The following FBXW5 variants were observed in gnomAD, a reference collection of about 807,000 sequenced individuals.
FBXW5 encodes the protein F-box/WD repeat-containing protein 5.
FBXW5 carries 74 observed loss-of-function variants against 50.9 expected under a neutral mutation model. The ratio of observed to expected loss-of-function variants is 1.45; its 90% confidence interval spans 1.20 to 1.76. The LOEUF is 1.76. Ranked by LOEUF, FBXW5 falls within the 40% of genes most tolerant of loss-of-function variation. The pLI is 0.00. For missense variants in FBXW5, 1,073 were observed against 818.8 expected (o/e 1.31, Z -3.79); for synonymous variants, 523 against 362.2 (o/e 1.44, Z -5.04).
In FBXW5 at chr9:136,943,599, G is replaced by A. The variant is rs558202047; in HGVS notation, c.194-93C>T. On this transcript the variant is annotated intron_variant, in intron 2 of 8. Coordinates refer to ENST00000325285, the MANE Select transcript of FBXW5 (RefSeq NM_018998.4). ...GGCCCCAGCAGTCCTGGCAGGCCCCGTGGTGCCCCTGGAACCCACTAGTCA... is the reference window on the plus strand; with the variant it reads ...GGCCCCAGCAGTCCTGGCAGGCCCCATGGTGCCCCTGGAACCCACTAGTCA... The A allele has an allele frequency of 5.9e-4, 873 of 1,479,062 alleles. 7 individuals are homozygous for A. In the South Asian group the frequency reaches 0.01, roughly 18 times the overall value. The allele number at this position is 1,479,062 out of a possible 1,614,324, so 91.6% of individuals were successfully genotyped here.
At position 136,943,257 on chromosome 9, in the gene FBXW5, C is replaced by CG. The variant is rs954923437; in HGVS notation, c.351+91_351+92insC. The CG allele has an allele frequency of 8.2e-6, 10 of 1,225,704 alleles. No individual in the cohort carries two copies. The African/African-American group carries it at 1.5e-4, about 18-fold the overall frequency. 75.9% of individuals were successfully genotyped at this position (1,225,704 alleles called of 1,614,324 possible). A position where few individuals can be genotyped will look rare whatever the true frequency, so the allele number is the denominator to read the frequency against. On this transcript the variant is annotated intron_variant, in intron 3 of 8. Transcript: ENST00000325285. The stretch of plus-strand genomic sequence containing the variant: ...ACCTCTGGCCTGACCCACCCCCCCC[C>CG]CCACCACCACCTGGTTGGAACGCCT...
At chr9:136,944,309 C>T in intron 1 of FBXW5, 4 of 600,126 alleles carry the variant, frequency 6.7e-6, no homozygotes, top group African/African-American at 1.9e-5. Flanking sequence ...CGTCATCCCC[C>T]GGCCTCCTGC....
At position 136,943,068 on chromosome 9, in the gene FBXW5, C is replaced by T. The variant is rs539507141; in HGVS notation, c.352-125G>A. 1,441 of 1,431,058 alleles carry T rather than the reference C, an allele frequency of 1.0e-3. 7 individuals are homozygous for T. The highest frequency in any genetic ancestry group is 5.5e-3 in the Middle Eastern group (23 of 4,182). 88.6% of individuals were successfully genotyped at this position (1,431,058 alleles called of 1,614,324 possible). On this transcript the variant is annotated intron_variant, in intron 3 of 8. Transcript: ENST00000325285. ...AGAGGCCACCAGGGAGCAGGGACCC[C>T]TTCCAGCCACTGTCATCCACTCGGG...
chr9:136,940,924 C>A lies in FBXW5; in HGVS notation c.*4G>T, dbSNP rs771894700. The A allele has an allele frequency of 6.3e-7, 1 of 1,577,456 alleles. No homozygotes were observed. The highest frequency in any genetic ancestry group is 1.1e-5 in the South Asian group (1 of 87,314). On this transcript the variant is annotated 3_prime_UTR_variant, in exon 9 of 9. Transcript: ENST00000325285. ...CCCGGTGGCTCCAGTGCACCCAGCACACCTCAGCGCCTCTGGCTGGCAAGC... is the reference window on the plus strand; with the variant it reads ...CCCGGTGGCTCCAGTGCACCCAGCAAACCTCAGCGCCTCTGGCTGGCAAGC...
chr9:136,943,891 C>G lies in FBXW5; in HGVS notation c.193G>C (p.Ala65Pro), dbSNP rs1381365687. 1.3e-5 allele frequency: 20 copies of G among 1,549,628 alleles called. No individual in the cohort carries two copies. The highest frequency in any genetic ancestry group is 8.7e-7 in the Non-Finnish European group (1 of 1,146,722). Residue 65 changes from alanine to proline, a missense_variant and splice_region_variant, in exon 2 of 9, where the codon GCG becomes CCG. Ala to Pro is a conservative substitution (Grantham distance 27, BLOSUM62 -1). Coordinates refer to ENST00000325285, the MANE Select transcript of FBXW5 (RefSeq NM_018998.4). The part of the protein sequence containing the change: ...QVARDVPRHP[A>P]AMSWYEEFQR... ...GGTAGGGGCCCCACACGCCACTGAC[C>G]TGGGTGTCGGGGCACGTCGCGGGCC...
rs766936483 is a variant in FBXW5, at chr9:136,942,401, G to A, written c.741C>T (p.Ser247=). The part of the protein sequence containing the change: ...RLFKIQNLNA[S]TVRTVMVADC... ...CGGCCACCATCACCGTGCGGACGGT[G>A]CTGGCATTGAGGTTCTGGATCTTGA... Residue 247 remains serine (S), a synonymous_variant, in exon 6 of 9, where the codon AGC becomes AGT. Transcript: ENST00000325285. 17 of 1,609,900 alleles carry A rather than the reference G, an allele frequency of 1.1e-5. No homozygotes were observed. The highest frequency in any genetic ancestry group is 4.4e-5 in the South Asian group (4 of 91,000).
In FBXW5 at chr9:136,941,177, G is replaced by C. The variant is rs1175592154; in HGVS notation, c.1458-6C>G. 6.2e-7 allele frequency: 1 copy of C among 1,601,868 alleles called. No individual in the cohort carries two copies. Among genetic ancestry groups the C allele is most frequent in the South Asian group, 1.1e-5 (1 of 90,250 alleles). ...CGTGCCGGTCCTCCGCCCCGCTGCA[G>C]AACAGCGCCTGGGTGAGCCGGCCGC... is the stretch of plus-strand genomic sequence containing the variant. On this transcript the variant is annotated splice_polypyrimidine_tract_variant and splice_region_variant and intron_variant, in intron 8 of 8. Transcript: ENST00000325285.
At chr9:136,943,576 C>A (rs1850894378) in intron 2 of FBXW5, 70 bp from the exon 3 acceptor site, 1 of 1,530,358 alleles carries the variant, frequency 6.5e-7, no homozygotes, top group Non-Finnish European at 8.8e-7. Flanking sequence ...CCGAGTGTGG[C>A]CCCAGCAGTC....
chr9:136,944,024 G>A lies in FBXW5; in HGVS notation c.60C>T (p.Ser20=). The change falls in exon 2 of 9, where the codon AGC becomes AGT. Residue 20 remains serine, a synonymous_variant. Transcript: ENST00000325285. ...CGGCCAGCACGTCGGCCGGGCCCAGGCTCAGGAAGATCTGGTAGACCAGGC... is the reference window on the plus strand; with the variant it reads ...CGGCCAGCACGTCGGCCGGGCCCAGACTCAGGAAGATCTGGTAGACCAGGC... The part of the protein sequence containing the change: ...PDSLVYQIFL[S]LGPADVLAAG... The A allele has an allele frequency of 6.2e-7, 1 of 1,603,242 alleles. No homozygotes were observed. The highest frequency in any genetic ancestry group is 8.5e-7 in the Non-Finnish European group (1 of 1,175,792).
At chr9:136,942,745 G>A (rs1281438846) in intron 4 of FBXW5, 24 bp downstream of exon 4, 7 of 1,612,038 alleles carry the variant, frequency 4.3e-6, no homozygotes, top group Non-Finnish European at 5.9e-6. Context: ...GCGGGGGCAG[G>A]GTCAACCCGC....
chr9:136,943,965 GAC>G lies in FBXW5; in HGVS notation c.117_118del (p.Ser40AlafsTer38). The G allele has an allele frequency of 6.4e-7, 1 of 1,567,816 alleles. No individual in the cohort carries two copies. The highest frequency in any genetic ancestry group is 8.6e-7 in the Non-Finnish European group (1 of 1,157,746). Reference sequence around the variant, plus strand: ...CTCCCTCCACAGGAACTCGTCCCGCGACACGGCCTGCCATTGGCGGCACACCA... The same window carrying G: ...CTCCCTCCACAGGAACTCGTCCCGCGACGGCCTGCCATTGGCGGCACACCA... On this transcript the variant is annotated frameshift_variant, in exon 2 of 9. Transcript: ENST00000325285. LOFTEE classifies it high-confidence loss of function.
At chr9:136,943,109 G>A (rs1490037994) in intron 3 of FBXW5, 166 bp from the exon 4 acceptor site, 3 of 1,180,318 alleles carry the variant, frequency 2.5e-6, no homozygotes, top group Admixed American at 2.0e-5. Flanking sequence ...TTGGTATAGA[G>A]CGGAGGAGCC....
At position 136,942,390 on chromosome 9, in the gene FBXW5, G is replaced by A. The variant is rs148365550; in HGVS notation, c.752C>T (p.Thr251Met). The A allele has an allele frequency of 1.2e-5, 20 of 1,611,108 alleles. No individual in the cohort carries two copies. Among genetic ancestry groups the A allele is most frequent in the South Asian group, 9.9e-5 (9 of 91,022 alleles). Residue 251 changes from threonine (T) to methionine (M), a missense_variant, in exon 6 of 9, where the codon ACG becomes ATG. Physicochemically the swap from Thr to Met is moderately conservative, Grantham distance 81 (BLOSUM62 -1). Coordinates refer to ENST00000325285, the MANE Select transcript of FBXW5 (RefSeq NM_018998.4). ...IQNLNASTVRTVMVADCSRFD... is the reference protein window; with the variant it reads ...IQNLNASTVRMVMVADCSRFD... The stretch of plus-strand genomic sequence containing the variant: ...GCGGCTGCAGTCGGCCACCATCACC[G>A]TGCGGACGGTGCTGGCATTGAGGTT...
At chr9:136,944,334 G>A (rs1188592086) in intron 1 of FBXW5, 2 of 584,596 alleles carry the variant, frequency 3.4e-6, no homozygotes, top group Non-Finnish European at 4.8e-6. Context: ...GGCAGCGGGC[G>A]CCCCTCAGCC....
Position 136,941,617 on chromosome 9 carries a change from G to A in FBXW5, c.1164C>T (p.Ser388=), listed in dbSNP as rs200362445. ...AGPVLGEGRG[S]DAFFDALDHV... Reference sequence around the variant, plus strand: ...GGTCCAGCGCGTCGAAGAAGGCATCGGAGCCCCGGCCCTCACCCAGCACGG... The same window carrying A: ...GGTCCAGCGCGTCGAAGAAGGCATCAGAGCCCCGGCCCTCACCCAGCACGG... Residue 388 remains serine (S), a synonymous_variant, in exon 7 of 9, where the codon TCC becomes TCT. Coordinates refer to ENST00000325285, the MANE Select transcript of FBXW5 (RefSeq NM_018998.4). 41 of 1,587,242 alleles carry A rather than the reference G, an allele frequency of 2.6e-5. No individual in the cohort carries two copies. In the East Asian group the frequency reaches 6.0e-4, roughly 23 times the overall value.
rs1395917559 is a variant in FBXW5, at chr9:136,943,445, C to T, written c.255G>A (p.Val85=). 3 of 1,612,816 alleles carry T rather than the reference C, an allele frequency of 1.9e-6. No homozygotes were observed. Among genetic ancestry groups the T allele is most frequent in the Non-Finnish European group, 2.5e-6 (3 of 1,179,934 alleles). Residue 85 remains valine, a synonymous_variant, in exon 3 of 9, where the codon GTG becomes GTA. Transcript: ENST00000325285. Reference sequence around the variant, plus strand: ...GGTCTGTGTGTTCCCGCAGCGTCTGCACCTCCACGCAGGGCACCGTGTCAT... The same window carrying T: ...GGTCTGTGTGTTCCCGCAGCGTCTGTACCTCCACGCAGGGCACCGTGTCAT... ...RLYDTVPCVE[V]QTLREHTDQV...
rs747220614 is a variant in FBXW5 at position 136,941,629 on chromosome 9, C to A, written c.1152G>T (p.Glu384Asp). The change falls in exon 7 of 9, where the codon GAG (glutamate) becomes GAT (aspartate). Residue 384 changes from glutamate (E) to aspartate (D), a missense_variant. Physicochemically the swap from Glu to Asp is conservative, Grantham distance 45. Transcript: ENST00000325285. Reference protein sequence around the residue: ...QMTTAGPVLGEGRGSDAFFDA... With the variant: ...QMTTAGPVLGDGRGSDAFFDA... ...CGAAGAAGGCATCGGAGCCCCGGCC[C>A]TCACCCAGCACGGGCCCTGCCGTGG... 1.3e-5 allele frequency: 21 copies of A among 1,580,020 alleles called. No individual in the cohort carries two copies. The Admixed American group carries it at 3.6e-4, about 27-fold the overall frequency.
intron 5 of FBXW5, 22 bp downstream of exon 5, chr9:136,942,525 C>T: frequency 6.2e-7 from 1 of 1,603,324 alleles, no homozygotes; most frequent in Non-Finnish European, 8.5e-7. Context: ...GAGGGCAGCC[C>T]CGCCCCTAGC....
At chr9:136,943,248 A>G in intron 3 of FBXW5, 101 bp downstream of exon 3, 1 of 722,176 alleles carries the variant, frequency 1.4e-6, no homozygotes, top group Non-Finnish European at 2.2e-6. Flanking sequence ...GGCCTGACCC[A>G]CCCCCCCCCC....
Sources: allele counts gnomAD v4.1 joint callset, GRCh38; gene constraint gnomAD v4.1.1; transcripts MANE v1.5; gene names NCBI Gene and HGNC (gene_info 2026-07-23, HGNC 2026-07-21).